NAV2: variants seen among roughly 807,000 people sequenced by gnomAD.
NAV2 encodes neuron navigator 2.
Under a neutral mutation model 223.2 loss-of-function variants are expected in NAV2, and 54 were observed. The ratio of observed to expected loss-of-function variants is 0.24; its 90% confidence interval spans 0.19 to 0.30. The LOEUF is 0.30. Ranked by LOEUF, NAV2 falls within the 10% of genes least tolerant of loss-of-function variation. The pLI is 1.00. For missense variants in NAV2, 2,806 were observed against 3,147.5 expected (o/e 0.89, Z 2.60); for synonymous variants, 1,279 against 1,239.3 (o/e 1.03, Z -0.67).
Position 19,580,121 on chromosome 11 carries a change from C to A in NAV2, c.75+229094C>A, listed in dbSNP as rs940655286. 2.0e-5 allele frequency among the ~76,000 whole-genome samples: 3 copies of A among 152,138 alleles called. No homozygotes were observed. The East Asian group carries it at 5.8e-4, about 29-fold the overall frequency. On this transcript the variant is annotated intron_variant, in intron 1 of 37. Transcript: ENST00000360655. Reference sequence around the variant, plus strand: ...GGCACTCTGACTGGTGCTGTTGACCCAACCGGGGGGTGGGGCTTCCAGGGC... The same window carrying A: ...GGCACTCTGACTGGTGCTGTTGACCAAACCGGGGGGTGGGGCTTCCAGGGC...
At chr11:19,358,048 T>G (rs896425553) in intron 1 of NAV2, among the ~76,000 whole-genome samples, 1 of 152,192 alleles carries the variant, frequency 6.6e-6, no homozygotes, top group African/African-American at 2.4e-5. Flanking sequence ...GCTACTTTGC[T>G]CCTAAAGCTT....
At position 19,590,718 on chromosome 11, in the gene NAV2, A is replaced by G. The variant is rs1482156370; in HGVS notation, c.75+239691A>G. Among the ~76,000 whole-genome samples the G allele has an allele frequency of 2.6e-5, 4 of 152,232 alleles. No individual in the cohort carries two copies. The South Asian group carries it at 8.3e-4, about 31-fold the overall frequency. ...GTATTTGAGCAACAATCCTGACTGC[A>G]AAAGCTCACAAACAACCAAATACCA... On this transcript the variant is annotated intron_variant, in intron 1 of 37. Coordinates refer to the NAV2 transcript ENST00000360655.
intron 16 of NAV2, 83 bp from the exon 17 acceptor site, chr11:20,051,206 T>G: frequency 3.3e-6 from 4 of 1,196,682 alleles, no homozygotes; most frequent in Non-Finnish European, 1.2e-6. Flanking sequence ...TCCAGGGCCC[T>G]TCAGTCCCCT....
intron 6 of NAV2, among the ~76,000 whole-genome samples, chr11:19,893,142 ATTT>A (rs5790098): frequency 0.021 from 3,145 of 146,902 alleles, 82 homozygotes; most frequent in African/African-American, 0.07. Context: ...AAGGATATGG[ATTT>A]TTTTTTTTTT....
chr11:19,721,120 G>A (rs2050715212), intron 1 of NAV2, among the ~76,000 whole-genome samples: 1 of 152,186 alleles, frequency 6.6e-6, no homozygotes, highest in Non-Finnish European at 1.5e-5. Context: ...GACCTTTGAA[G>A]TCAACCTTCT....
the NAV2 span, among the ~76,000 whole-genome samples, chr11:19,345,718 G>A: frequency 6.6e-6 from 1 of 152,266 alleles, no homozygotes; most frequent in African/African-American, 2.4e-5. The surrounding 1 kb of genome is among the most constrained non-coding windows in gnomAD (Gnocchi z 5.2). Flanking sequence ...TGCTCTGCGA[G>A]CTCGGGGGCG....
At chr11:19,602,887 C>T (rs546333482) in intron 1 of NAV2, among the ~76,000 whole-genome samples, 2 of 152,280 alleles carry the variant, frequency 1.3e-5, no homozygotes, top group South Asian at 4.1e-4. Context: ...GTGGTTGTTT[C>T]TATGGATTCC....
At chr11:19,512,329 C>G (rs1388875336) in intron 1 of NAV2, among the ~76,000 whole-genome samples, 5 of 152,154 alleles carry the variant, frequency 3.3e-5, no homozygotes, top group African/African-American at 1.2e-4. Context: ...ATTCTGGGTA[C>G]AGAGGCTAGG....
At chr11:19,663,656 C>A (rs2048343587) in intron 1 of NAV2, among the ~76,000 whole-genome samples, 1 of 152,200 alleles carries the variant, frequency 6.6e-6, no homozygotes, top group Admixed American at 6.5e-5. Context: ...CTTCCTTCTT[C>A]ATTTTATCTC....
At chr11:19,956,037 G>T (rs887154938) in intron 10 of NAV2, among the ~76,000 whole-genome samples, 3 of 152,116 alleles carry the variant, frequency 2.0e-5, no homozygotes, top group Non-Finnish European at 4.4e-5. Context: ...GGCTTTTGGC[G>T]CTCTTGGAAC....
intron 11 of NAV2, among the ~76,000 whole-genome samples, chr11:19,999,796 A>G (rs1276331015): frequency 6.6e-6 from 1 of 152,254 alleles, no homozygotes; most frequent in Non-Finnish European, 1.5e-5. Flanking sequence ...AGATTAAATG[A>G]GACAGTGCCA....
At chr11:19,739,021 A>AC (rs2052573298) in intron 1 of NAV2, among the ~76,000 whole-genome samples, 1 of 152,088 alleles carries the variant, frequency 6.6e-6, no homozygotes, top group Non-Finnish European at 1.5e-5. Flanking sequence ...TCACTACAAA[A>AC]AATACAAAAA....
At chr11:19,484,185 C>T (rs1035572415) in intron 1 of NAV2, among the ~76,000 whole-genome samples, 1 of 150,548 alleles carries the variant, frequency 6.6e-6, no homozygotes. Flanking sequence ...TTTCCAAGAC[C>T]CCTAAGGAAT....
intron 6 of NAV2, among the ~76,000 whole-genome samples, chr11:19,921,778 G>A (rs2044293775): frequency 6.6e-6 from 1 of 152,142 alleles, no homozygotes; most frequent in Admixed American, 6.6e-5. Flanking sequence ...GGTAAAATGG[G>A]ATCATTATTA....
At chr11:19,930,180 G>A (rs1348368900) in intron 6 of NAV2, among the ~76,000 whole-genome samples, 1 of 152,144 alleles carries the variant, frequency 6.6e-6, no homozygotes, top group Non-Finnish European at 1.5e-5. Flanking sequence ...AACAGTAGGG[G>A]AAAATGTCAT....
intron 1 of NAV2, among the ~76,000 whole-genome samples, chr11:19,447,294 A>G (rs1159726674): frequency 6.6e-6 from 1 of 152,226 alleles, no homozygotes; most frequent in Non-Finnish European, 1.5e-5. Flanking sequence ...AGTCTGTCCT[A>G]TGAACCCAAA....
chr11:20,002,081 A>G (rs145963693), intron 11 of NAV2, among the ~76,000 whole-genome samples: 1,738 of 152,240 alleles, frequency 0.011, 35 homozygotes, highest in African/African-American at 0.039. Context: ...TCGGACTTCT[A>G]CTTGTACGTT....
chr11:19,791,339 A>C (rs1386758734), intron 1 of NAV2, among the ~76,000 whole-genome samples: 1 of 151,996 alleles, frequency 6.6e-6, no homozygotes, highest in Non-Finnish European at 1.5e-5. Flanking sequence ...CCCCTTCCCT[A>C]TCCAGCCCGC....
chr11:19,714,450 G>A, intron 1 of NAV2: 3 of 457,192 alleles, frequency 6.6e-6, no homozygotes, highest in Non-Finnish European at 1.3e-5. Flanking sequence ...GATCGCGGGT[G>A]GCAGTGAACC....
Sources: gnomAD v4.1 joint callset for allele counts (sites outside exome capture counted in the v4.1 genomes callset) on GRCh38, gnomAD v4.1.1 for gene constraint, Gnocchi (gnomAD v3.1) non-coding constraint, MANE v1.5 for transcripts, NCBI Gene and HGNC (gene_info 2026-07-23, HGNC 2026-07-21) for gene names.